Variants in LRRC4C observed in about 807,000 individuals in gnomAD.
The protein encoded by LRRC4C is leucine-rich repeat-containing protein 4C.
A neutral mutation model predicts 33.6 loss-of-function variants in LRRC4C; 5 were observed. The observed-to-expected ratio is 0.15, with a 90% confidence interval of 0.08 to 0.31. The LOEUF (loss-of-function observed/expected upper bound fraction) is 0.31, where lower values mean the gene tolerates loss of function less well. LRRC4C is among the 10% of genes least tolerant of loss of function. The pLI, the probability that LRRC4C is intolerant of heterozygous loss-of-function variation, is 1.00. For missense variants in LRRC4C, 560 were observed against 796.7 expected, an observed-to-expected ratio of 0.70 and a Z score of 3.58; for synonymous variants, 329 against 302.0, an observed-to-expected ratio of 1.09 and a Z score of -0.93.
chr11:40,659,756 T>G (rs997757745), intron 2 of LRRC4C, among the ~76,000 whole-genome samples: 2 of 152,174 alleles, frequency 1.3e-5, no homozygotes, highest in Non-Finnish European at 1.5e-5. Flanking sequence ...GCTATCCACT[T>G]TGGGTCTTGC....
intron 3 of LRRC4C, among the ~76,000 whole-genome samples, chr11:40,325,536 G>T (rs532202036): frequency 6.6e-6 from 1 of 152,106 alleles, no homozygotes; most frequent in South Asian, 2.1e-4. Context: ...GCTGAGCAGT[G>T]AGGGTCATTA....
At chr11:40,908,714 T>G (rs1174023488) in intron 2 of LRRC4C, among the ~76,000 whole-genome samples, 1 of 152,122 alleles carries the variant, frequency 6.6e-6, no homozygotes, top group Non-Finnish European at 1.5e-5. Context: ...TCAAATGAGT[T>G]TGTGGAAGTG....
intron 1 of LRRC4C, among the ~76,000 whole-genome samples, chr11:40,992,839 G>A (rs1349598369): frequency 2.0e-5 from 3 of 152,028 alleles, no homozygotes; most frequent in African/African-American, 7.2e-5. Context: ...TTTGTCAAAT[G>A]TCTCTCTGAA....
At chr11:40,590,624 C>T (rs1184269568) in intron 3 of LRRC4C, among the ~76,000 whole-genome samples, 3 of 151,684 alleles carry the variant, frequency 2.0e-5, no homozygotes, top group African/African-American at 7.2e-5. Context: ...TACTTTTGGT[C>T]TTTGATGATG....
chr11:40,777,423 GT>G (rs1950045574), intron 2 of LRRC4C, among the ~76,000 whole-genome samples: 1 of 150,370 alleles, frequency 6.7e-6, no homozygotes, highest in African/African-American at 2.4e-5. Context: ...GTGTGTATAT[GT>G]TTGGGATAGT....
intron 2 of LRRC4C, among the ~76,000 whole-genome samples, chr11:40,711,773 C>T (rs1387384018): frequency 6.6e-6 from 1 of 151,110 alleles, no homozygotes; most frequent in Admixed American, 6.6e-5. Context: ...GATGTTCTCC[C>T]CTTTGAGTAA....
intron 5 of LRRC4C, among the ~76,000 whole-genome samples, chr11:40,221,174 T>C (rs1014651841): frequency 6.6e-6 from 1 of 152,196 alleles, no homozygotes; most frequent in Admixed American, 6.5e-5. Context: ...TACACAATTA[T>C]TACCCTATGT....
chr11:40,295,563 T>C (rs1033088138), intron 4 of LRRC4C, among the ~76,000 whole-genome samples: 1 of 152,182 alleles, frequency 6.6e-6, no homozygotes, highest in Non-Finnish European at 1.5e-5. Flanking sequence ...TTTTTTCCTC[T>C]TCTGTTCCCA....
intron 2 of LRRC4C, among the ~76,000 whole-genome samples, chr11:40,816,857 T>C (rs958390013): frequency 2.6e-5 from 4 of 152,178 alleles, no homozygotes; most frequent in Non-Finnish European, 5.9e-5. Flanking sequence ...AAAGATATTA[T>C]ATTCAGGGTT....
At chr11:40,578,727 A>G (rs1958330422) in intron 3 of LRRC4C, among the ~76,000 whole-genome samples, 2 of 152,214 alleles carry the variant, frequency 1.3e-5, no homozygotes. Context: ...ACAAATTTTA[A>G]TGGTGCATTT....
At chr11:40,287,609 T>G (rs1430818177) in intron 4 of LRRC4C, among the ~76,000 whole-genome samples, 3 of 152,194 alleles carry the variant, frequency 2.0e-5, no homozygotes, top group Non-Finnish European at 2.9e-5. Context: ...TTAATATTTC[T>G]CCACAAAAAT....
At chr11:40,696,748 GTATATATATA>G (rs57752272) in intron 2 of LRRC4C, among the ~76,000 whole-genome samples, 23 of 125,882 alleles carry the variant, frequency 1.8e-4, no homozygotes, top group South Asian at 2.4e-4. Flanking sequence ...TATACACTGT[GTATATATATA>G]TATATATATA....
chr11:40,434,986 GA>G (rs1176151344), intron 3 of LRRC4C, among the ~76,000 whole-genome samples: 2 of 151,858 alleles, frequency 1.3e-5, no homozygotes, highest in Non-Finnish European at 2.9e-5. Flanking sequence ...GCAACATGCT[GA>G]AAAAAAATCA....
chr11:41,224,132 G>A (rs1947423453), intron 1 of LRRC4C, among the ~76,000 whole-genome samples: 1 of 152,126 alleles, frequency 6.6e-6, no homozygotes, highest in African/African-American at 2.4e-5. Flanking sequence ...ATGTAAAAGA[G>A]AAGATAAAAC....
chr11:40,405,608 CAAAAAA>C (rs71060958), intron 3 of LRRC4C, among the ~76,000 whole-genome samples: 1 of 70,854 alleles, frequency 1.4e-5, no homozygotes, highest in Non-Finnish European at 2.6e-5. Context: ...ACACTCTATC[CAAAAAA>C]AAAAAAAAAA....
At chr11:40,444,850 C>T (rs1057045313) in intron 3 of LRRC4C, among the ~76,000 whole-genome samples, 2 of 152,324 alleles carry the variant, frequency 1.3e-5, no homozygotes, top group South Asian at 2.1e-4. Context: ...GTAACCAAAA[C>T]AGATCACACA....
intron 3 of LRRC4C, among the ~76,000 whole-genome samples, chr11:40,409,234 TA>T (rs1429171385): frequency 6.6e-6 from 1 of 151,898 alleles, no homozygotes; most frequent in Non-Finnish European, 1.5e-5. Flanking sequence ...TCACATCATT[TA>T]AAAAATCAAC....
At chr11:41,323,859 T>C (rs1197638836) in intron 1 of LRRC4C, among the ~76,000 whole-genome samples, 1 of 152,252 alleles carries the variant, frequency 6.6e-6, no homozygotes, top group East Asian at 1.9e-4. Context: ...GCAAGTATTG[T>C]ATTTTTTAAA....
At chr11:40,117,173 TA>T (rs1855498224) in intron 6 of LRRC4C, among the ~76,000 whole-genome samples, 1 of 152,222 alleles carries the variant, frequency 6.6e-6, no homozygotes, top group South Asian at 2.1e-4. Flanking sequence ...AGATGGTCCA[TA>T]AAAATGTTGC....
Sources: gnomAD v4.1 joint callset for allele counts (sites outside exome capture counted in the v4.1 genomes callset) on GRCh38, gnomAD v4.1.1 for gene constraint, MANE v1.5 for transcripts, NCBI Gene and HGNC (gene_info 2026-07-23, HGNC 2026-07-21) for gene names.